The following NKAIN3 variants were observed in gnomAD, a reference collection of about 807,000 sequenced individuals.
NKAIN3 encodes the protein sodium/potassium transporting ATPase interacting 3.
Under a neutral mutation model 30.2 loss-of-function variants are expected in NKAIN3, and 25 were observed. The ratio of observed to expected loss-of-function variants is 0.83; its 90% CI spans 0.60 to 1.16. The LOEUF is 1.16. Ranked by LOEUF, NKAIN3 falls within the 50% of genes most tolerant of loss-of-function variation. The probability of loss-of-function intolerance (pLI) is 0.00; values close to 1 mark genes in which losing one functional copy is unlikely to be tolerated. For synonymous variants in NKAIN3, 91 were observed against 89.6 expected, an observed-to-expected ratio of 1.02 and a Z score of -0.09; for missense variants, 225 against 254.1, an observed-to-expected ratio of 0.89 and a Z score of 0.78.
rs146829889 is a variant in NKAIN3 at position 62,973,878 on chromosome 8, C to T, written c.*8471C>T. On this transcript the variant is annotated 3_prime_UTR_variant, in exon 7 of 7. Transcript: ENST00000623646. Reference sequence around the variant, plus strand: ...GAAGGGGTCCAGTTTCAGTTTTCTGCGTATGGCTAGCTAATTTTCCCAGCA... The same window carrying T: ...GAAGGGGTCCAGTTTCAGTTTTCTGTGTATGGCTAGCTAATTTTCCCAGCA... Among the ~76,000 whole-genome samples the T allele has an allele frequency of 1.0e-3, 157 of 152,218 alleles. 1 individual carries two copies. Among genetic ancestry groups the T allele is most frequent in the African/African-American group, 2.7e-3 (111 of 41,532 alleles).
chr8:62,702,176 AT>A (rs1181550505), intron 3 of NKAIN3, among the ~76,000 whole-genome samples: 29 of 152,198 alleles, frequency 1.9e-4, no homozygotes, highest in African/African-American at 6.8e-4. Flanking sequence ...TATCTAATAA[AT>A]TTCTGTAATT....
intron 3 of NKAIN3, among the ~76,000 whole-genome samples, chr8:62,621,260 T>C (rs1334337587): frequency 6.6e-6 from 1 of 152,124 alleles, no homozygotes; most frequent in Non-Finnish European, 1.5e-5. Flanking sequence ...CTTCTGACAC[T>C]CTACTAGGAA....
chr8:62,493,416 G>C (rs901171807), intron 1 of NKAIN3, among the ~76,000 whole-genome samples: 8 of 151,994 alleles, frequency 5.3e-5, no homozygotes, highest in Non-Finnish European at 1.0e-4. Flanking sequence ...ATGTTGTTTT[G>C]GTTACTATAG....
chr8:62,639,876 A>G (rs1475415004), intron 3 of NKAIN3, among the ~76,000 whole-genome samples: 2 of 152,056 alleles, frequency 1.3e-5, no homozygotes, highest in Admixed American at 6.6e-5. Context: ...GCTTTTGGAC[A>G]CTGAGGAGAG....
At chr8:62,382,191 G>A (rs1271464510) in intron 1 of NKAIN3, among the ~76,000 whole-genome samples, 2 of 152,116 alleles carry the variant, frequency 1.3e-5, no homozygotes, top group Non-Finnish European at 2.9e-5. Context: ...TTTACATGTT[G>A]TATAGTATAA....
At chr8:62,357,867 A>T (rs1347787018) in intron 1 of NKAIN3, among the ~76,000 whole-genome samples, 1 of 152,228 alleles carries the variant, frequency 6.6e-6, no homozygotes, top group Non-Finnish European at 1.5e-5. Context: ...TTTATTAGTT[A>T]TAATTTATAT....
At chr8:62,515,202 AT>A (rs1367594967) in intron 1 of NKAIN3, among the ~76,000 whole-genome samples, 1 of 152,144 alleles carries the variant, frequency 6.6e-6, no homozygotes, top group Non-Finnish European at 1.5e-5. Flanking sequence ...TTCTGACTTA[AT>A]TTTTTTCTAT....
intron 1 of NKAIN3, among the ~76,000 whole-genome samples, chr8:62,289,121 C>A (rs1257486159): frequency 2.0e-5 from 3 of 152,100 alleles, no homozygotes; most frequent in Non-Finnish European, 2.9e-5. Context: ...TGTTTAAGTT[C>A]TTTGTAGATT....
chr8:62,528,528 G>C (rs1161441286), intron 1 of NKAIN3, among the ~76,000 whole-genome samples: 1 of 151,346 alleles, frequency 6.6e-6, no homozygotes, highest in African/African-American at 2.4e-5. Context: ...ATTTGTCATT[G>C]TCCCTAGTAA....
chr8:62,333,159 T>C (rs1815412668), intron 1 of NKAIN3, among the ~76,000 whole-genome samples: 1 of 152,124 alleles, frequency 6.6e-6, no homozygotes, highest in Non-Finnish European at 1.5e-5. Flanking sequence ...AAGAAATTAA[T>C]TTTTTTCATT....
chr8:62,733,564 ACTT>A (rs1815551503), intron 3 of NKAIN3, among the ~76,000 whole-genome samples: 1 of 152,022 alleles, frequency 6.6e-6, no homozygotes, highest in African/African-American at 2.4e-5. Context: ...CGTTTTAATA[ACTT>A]CTTTTTTTTA....
chr8:62,689,409 T>C (rs1231301806), intron 3 of NKAIN3, among the ~76,000 whole-genome samples: 2 of 152,202 alleles, frequency 1.3e-5, no homozygotes, highest in African/African-American at 2.4e-5. Context: ...TTGTTCATTT[T>C]CTTCTGGTTT....
At chr8:62,317,966 G>A (rs1356351102) in intron 1 of NKAIN3, among the ~76,000 whole-genome samples, 1 of 152,154 alleles carries the variant, frequency 6.6e-6, no homozygotes, top group Non-Finnish European at 1.5e-5. Flanking sequence ...GCAGTGGTTT[G>A]TAGTTCTCCT....
chr8:62,710,035 G>T (rs1157789911), intron 3 of NKAIN3, among the ~76,000 whole-genome samples: 37 of 152,006 alleles, frequency 2.4e-4, no homozygotes, highest in Admixed American at 2.4e-3. Flanking sequence ...TTGTTTTGAA[G>T]GTTCCTTTTA....
At chr8:62,451,295 T>G in intron 1 of NKAIN3, among the ~76,000 whole-genome samples, 1 of 102,392 alleles carries the variant, frequency 9.8e-6, no homozygotes, top group African/African-American at 3.7e-5. Context: ...TTCCCTCCCC[T>G]CCCGTCCCCT....
At chr8:62,853,529 A>T (rs1437141624) in intron 4 of NKAIN3, among the ~76,000 whole-genome samples, 1 of 152,126 alleles carries the variant, frequency 6.6e-6, no homozygotes, top group African/African-American at 2.4e-5. Context: ...GGTTGTTTGT[A>T]TGTCTGTGGG....
chr8:62,818,697 G>T (rs901021872), intron 4 of NKAIN3, among the ~76,000 whole-genome samples: 3 of 152,076 alleles, frequency 2.0e-5, no homozygotes, highest in Non-Finnish European at 2.9e-5. Context: ...GAAAAAACAT[G>T]TAAGCAGCTA....
intron 4 of NKAIN3, among the ~76,000 whole-genome samples, chr8:62,762,073 T>C (rs1816684679): frequency 6.6e-6 from 1 of 152,152 alleles, no homozygotes; most frequent in African/African-American, 2.4e-5. Context: ...CCCAGCACTT[T>C]GGGAGGCTGA....
chr8:62,864,297 A>G (rs1219582308), intron 4 of NKAIN3: 7 of 1,341,518 alleles, frequency 5.2e-6, no homozygotes, highest in Non-Finnish European at 7.4e-6. Flanking sequence ...AGGACCAGGA[A>G]GAGAAAGAAG....
Sources: gnomAD v4.1 joint callset for allele counts (sites outside exome capture counted in the v4.1 genomes callset) on GRCh38, gnomAD v4.1.1 for gene constraint, MANE v1.5 for transcripts, NCBI Gene and HGNC (gene_info 2026-07-23, HGNC 2026-07-21) for gene names.